The following SPAG16 variants were observed in gnomAD, a reference collection of about 807,000 sequenced individuals.
The protein encoded by SPAG16 is sperm associated antigen 16, also known as sperm-associated antigen 16 protein.
SPAG16 carries 86 observed loss-of-function variants against 80.4 expected under a neutral mutation model. The ratio of observed to expected loss-of-function variants is 1.07; its 90% CI spans 0.90 to 1.28. The LOEUF (loss-of-function observed/expected upper bound fraction) is 1.28, where lower values mean the gene tolerates loss of function less well. SPAG16 is among the 50% of genes most tolerant of loss of function. SPAG16 has a pLI of 0.00. For missense variants in SPAG16, 870 were observed against 765.3 expected (o/e 1.14, Z -1.61); for synonymous variants, 294 against 265.9 (o/e 1.11, Z -1.03).
chr2:213,582,006 A>T (rs1004565483), intron 10 of SPAG16, among the ~76,000 whole-genome samples: 2 of 152,172 alleles, frequency 1.3e-5, no homozygotes, highest in Non-Finnish European at 2.9e-5. Context: ...TTGGTTAATT[A>T]TGAAATGCAA....
At chr2:213,441,941 G>A (rs1246823624) in intron 9 of SPAG16, among the ~76,000 whole-genome samples, 3 of 152,162 alleles carry the variant, frequency 2.0e-5, no homozygotes, top group Non-Finnish European at 4.4e-5. Flanking sequence ...CAAGTCAAGA[G>A]CTCAAGACCA....
chr2:213,350,930 C>T (rs906519375), intron 7 of SPAG16, among the ~76,000 whole-genome samples: 1 of 151,370 alleles, frequency 6.6e-6, no homozygotes. Flanking sequence ...TTGAGACCAG[C>T]CTGGCCAATA....
intron 11 of SPAG16, among the ~76,000 whole-genome samples, chr2:213,875,055 C>T (rs1160742726): frequency 6.6e-6 from 1 of 151,988 alleles, no homozygotes; most frequent in Non-Finnish European, 1.5e-5. Flanking sequence ...AATTTTCCTG[C>T]CTTACTCTCC....
chr2:213,466,752 T>A (rs1275896735), intron 9 of SPAG16, among the ~76,000 whole-genome samples: 2 of 152,160 alleles, frequency 1.3e-5, no homozygotes, highest in African/African-American at 4.8e-5. Flanking sequence ...GCACAACAGA[T>A]AATGTCATCT....
At chr2:214,299,490 C>T (rs988583208) in intron 15 of SPAG16, among the ~76,000 whole-genome samples, 3 of 151,964 alleles carry the variant, frequency 2.0e-5, no homozygotes, top group East Asian at 1.9e-4. Flanking sequence ...CCTCATCATT[C>T]GCCTGCTTCA....
At chr2:213,993,784 T>G (rs1305668552) in intron 12 of SPAG16, among the ~76,000 whole-genome samples, 2 of 152,220 alleles carry the variant, frequency 1.3e-5, no homozygotes, top group Non-Finnish European at 2.9e-5. Flanking sequence ...AATAACTGGA[T>G]ATGGCATATG....
intron 15 of SPAG16, among the ~76,000 whole-genome samples, chr2:214,271,806 A>C (rs949609517): frequency 2.0e-5 from 3 of 151,774 alleles, no homozygotes; most frequent in Non-Finnish European, 4.4e-5. Context: ...GTCTCAGAAA[A>C]ACATAAATAA....
chr2:213,422,119 C>T lies in SPAG16; in HGVS notation c.942+47000C>T, dbSNP rs546914470. The T allele has an allele frequency of 4.4e-6, 3 of 687,006 alleles. No individual in the cohort carries two copies. In the African/African-American group the frequency reaches 5.3e-5, roughly 12 times the overall value. 42.6% of individuals were successfully genotyped at this position (687,006 alleles called of 1,614,324 possible). A position where few individuals can be genotyped will look rare whatever the true frequency, so the allele number is the denominator to read the frequency against. On this transcript the variant is annotated intron_variant, in intron 9 of 15. Coordinates refer to ENST00000331683, the MANE Select transcript of SPAG16 (RefSeq NM_024532.5). ...AACCCAAACAGGGCTGAAATGACCC[C>T]CTGCTTGCCACTTTGCAGGTGATGA...
rs139858606 is a variant in SPAG16 at position 213,906,624 on chromosome 2, G to T, written c.1215-23336G>T. On this transcript the variant is annotated intron_variant, in intron 11 of 15. Coordinates refer to ENST00000331683, the MANE Select transcript of SPAG16 (RefSeq NM_024532.5). ...ACCTGACTGCAAAATATACTACAAA[G>T]CTATAGTAACAATGACAGCTTGATA... Among the ~76,000 whole-genome samples, 57 of 152,196 alleles carry T rather than the reference G, an allele frequency of 3.7e-4. No individual in the cohort carries two copies. In the East Asian group the frequency reaches 4.1e-3, roughly 11 times the overall value.
chr2:213,444,016 A>T (rs759635413), intron 9 of SPAG16, among the ~76,000 whole-genome samples: 5 of 152,200 alleles, frequency 3.3e-5, no homozygotes, highest in Non-Finnish European at 5.9e-5. Flanking sequence ...ACTTCAGCCT[A>T]TTCTCTGCAC....
At chr2:213,428,323 C>T (rs1453421991) in intron 9 of SPAG16, among the ~76,000 whole-genome samples, 1 of 152,134 alleles carries the variant, frequency 6.6e-6, no homozygotes, top group Non-Finnish European at 1.5e-5. Flanking sequence ...TTGCCCTTCC[C>T]AAGCCCTGAA....
At chr2:213,701,064 AC>A (rs1371957209) in intron 10 of SPAG16, among the ~76,000 whole-genome samples, 3 of 151,934 alleles carry the variant, frequency 2.0e-5, no homozygotes, top group African/African-American at 7.3e-5. Context: ...ACATGGTGAA[AC>A]CCCATCTCTA....
chr2:214,069,461 G>C (rs2050684273), intron 13 of SPAG16, among the ~76,000 whole-genome samples: 1 of 152,078 alleles, frequency 6.6e-6, no homozygotes, highest in Admixed American at 6.6e-5. Context: ...TTATTGTCTG[G>C]GTGACAGCTC....
intron 15 of SPAG16, among the ~76,000 whole-genome samples, chr2:214,388,306 G>T (rs1700874553): frequency 6.6e-6 from 1 of 152,020 alleles, no homozygotes; most frequent in African/African-American, 2.4e-5. Flanking sequence ...AAATTGCTAG[G>T]TCCTCTCCCT....
At chr2:213,781,536 A>G (rs1054348077) in intron 10 of SPAG16, among the ~76,000 whole-genome samples, 4 of 152,132 alleles carry the variant, frequency 2.6e-5, no homozygotes, top group African/African-American at 9.7e-5. Context: ...AGGAAAGAAT[A>G]CCTTCCTTTA....
At chr2:213,408,001 GAGAC>G (rs1355261802) in intron 9 of SPAG16, among the ~76,000 whole-genome samples, 5 of 145,846 alleles carry the variant, frequency 3.4e-5, no homozygotes, top group African/African-American at 1.3e-4. Flanking sequence ...GAGGCAGAGA[GAGAC>G]AGGAGAGAGG....
chr2:214,072,851 T>C (rs188391728), intron 13 of SPAG16, among the ~76,000 whole-genome samples: 87 of 152,280 alleles, frequency 5.7e-4, no homozygotes, highest in African/African-American at 2.0e-3. Flanking sequence ...AGTTTTTTAA[T>C]TAAAACCCAA....
chr2:213,443,831 G>T (rs2071133323), intron 9 of SPAG16, among the ~76,000 whole-genome samples: 1 of 152,180 alleles, frequency 6.6e-6, no homozygotes, highest in Non-Finnish European at 1.5e-5. Context: ...TTTCCAGGGA[G>T]ATTTTGCAGA....
chr2:214,063,945 T>C (rs1376522242), intron 13 of SPAG16, among the ~76,000 whole-genome samples: 1 of 152,194 alleles, frequency 6.6e-6, no homozygotes, highest in Non-Finnish European at 1.5e-5. Context: ...TCTCATAATC[T>C]CTATTCCATA....
Sources: allele counts gnomAD v4.1 joint callset (sites outside exome capture counted in the v4.1 genomes callset), GRCh38; gene constraint gnomAD v4.1.1; transcripts MANE v1.5; gene names NCBI Gene and HGNC (gene_info 2026-07-23, HGNC 2026-07-21).